COL23A1: variants seen among roughly 807,000 people sequenced by gnomAD.
The protein encoded by COL23A1 is collagen alpha-1(XXIII) chain.
COL23A1 carries 97 observed loss-of-function variants against 99.3 expected under a neutral mutation model. The observed-to-expected ratio is 0.98, with a 90% CI of 0.83 to 1.16. The LOEUF (loss-of-function observed/expected upper bound fraction) is 1.16. COL23A1 is among the 50% of genes most tolerant of loss of function. COL23A1 has a pLI of 0.00. For synonymous variants in COL23A1, 320 were observed against 308.2 expected, an observed-to-expected ratio of 1.04 and a Z score of -0.40; for missense variants, 762 against 757.4, an observed-to-expected ratio of 1.01 and a Z score of -0.07.
intron 1 of COL23A1, 111 bp from the exon 2 acceptor site, chr5:178,560,859 T>G: frequency 1.0e-6 from 1 of 987,980 alleles, no homozygotes; most frequent in Non-Finnish European, 1.5e-6. Flanking sequence ...CCATCTACAG[T>G]GCTGGGGCTG....
chr5:178,577,045 G>C (rs768535280), intron 1 of COL23A1, among the ~76,000 whole-genome samples: 22 of 152,084 alleles, frequency 1.4e-4, no homozygotes, highest in Admixed American at 5.9e-4. Flanking sequence ...GCTTCTGCCT[G>C]AGGACTCCCC....
intron 2 of COL23A1, among the ~76,000 whole-genome samples, chr5:178,476,220 C>T (rs906366059): frequency 2.0e-5 from 3 of 152,194 alleles, no homozygotes; most frequent in Non-Finnish European, 4.4e-5. Flanking sequence ...ATGGCGCATA[C>T]AGCATGCCTG....
intron 2 of COL23A1, among the ~76,000 whole-genome samples, chr5:178,461,259 C>T (rs2127901039): frequency 6.6e-6 from 1 of 152,362 alleles, no homozygotes; most frequent in South Asian, 2.1e-4. Flanking sequence ...CGAGTCCAGC[C>T]TGGCCATGTC....
chr5:178,299,822 C>T lies in COL23A1; in HGVS notation c.406+7053G>A, dbSNP rs180804382. 2.0e-3 allele frequency among the ~76,000 whole-genome samples: 287 copies of T among 145,130 alleles called. 2 individuals carry two copies. Among genetic ancestry groups the T allele is most frequent in the African/African-American group, 6.5e-3 (254 of 39,182 alleles). On this transcript the variant is annotated intron_variant, in intron 3 of 28. Coordinates refer to ENST00000390654, the MANE Select transcript of COL23A1 (RefSeq NM_173465.4). ...AGGCTGGAGTGCAGTGGCACGATCT[C>T]GGCTCACTGCAACCTCTGCCTCCTG...
At chr5:178,293,378 CAT>C (rs1757567714) in intron 3 of COL23A1, among the ~76,000 whole-genome samples, 1 of 152,060 alleles carries the variant, frequency 6.6e-6, no homozygotes, top group Non-Finnish European at 1.5e-5. Flanking sequence ...AGGCATGTGC[CAT>C]GGAGGTGGGA....
chr5:178,488,420 T>G (rs1757746443), intron 2 of COL23A1, among the ~76,000 whole-genome samples: 1 of 152,066 alleles, frequency 6.6e-6, no homozygotes. Context: ...GCGTGTGACC[T>G]CCTCTCCCTT....
rs1758679166 is a variant in COL23A1 at position 178,503,338 on chromosome 5, ACT to A, written c.361+57342_361+57343del. 2.6e-5 allele frequency among the ~76,000 whole-genome samples: 4 copies of A among 152,146 alleles called. No individual in the cohort carries two copies. The South Asian group carries it at 6.2e-4, about 24-fold the overall frequency. Reference sequence around the variant, plus strand: ...GCACTCCAGCCTGGGCAACGAACAGACTCTGTCTCCAAAAAAAAACAAAAGTC... The same window carrying A: ...GCACTCCAGCCTGGGCAACGAACAGACTGTCTCCAAAAAAAAACAAAAGTC... On this transcript the variant is annotated intron_variant, in intron 2 of 28. Coordinates refer to ENST00000390654, the MANE Select transcript of COL23A1 (RefSeq NM_173465.4).
chr5:178,520,198 T>C (rs1216678492), intron 2 of COL23A1, among the ~76,000 whole-genome samples: 4 of 152,106 alleles, frequency 2.6e-5, no homozygotes, highest in African/African-American at 9.7e-5. Context: ...GATGGATGGA[T>C]GGCTGGTAAG....
At chr5:178,559,529 C>T (rs1762449776) in intron 2 of COL23A1, among the ~76,000 whole-genome samples, 1 of 143,120 alleles carries the variant, frequency 7.0e-6, no homozygotes. Flanking sequence ...GACACATCAC[C>T]CAAAAGAGAC....
At chr5:178,447,197 G>A (rs550247374) in intron 2 of COL23A1, among the ~76,000 whole-genome samples, 17 of 151,818 alleles carry the variant, frequency 1.1e-4, no homozygotes, top group Non-Finnish European at 1.8e-4. Context: ...AGGTTCAAGC[G>A]ACTCTCCTGC....
chr5:178,390,114 G>A (rs1486971315), intron 2 of COL23A1, among the ~76,000 whole-genome samples: 1 of 152,222 alleles, frequency 6.6e-6, no homozygotes, highest in Non-Finnish European at 1.5e-5. Context: ...CAGAGGCCAC[G>A]AAGGCTGGCC....
At chr5:178,482,802 T>A (rs1757410938) in intron 2 of COL23A1, among the ~76,000 whole-genome samples, 1 of 152,094 alleles carries the variant, frequency 6.6e-6, no homozygotes, top group South Asian at 2.1e-4. Flanking sequence ...TTCAGGAGGC[T>A]GAGGCAGGAG....
intron 2 of COL23A1, among the ~76,000 whole-genome samples, chr5:178,453,773 G>A (rs1033934236): frequency 1.3e-5 from 2 of 152,130 alleles, no homozygotes; most frequent in African/African-American, 2.4e-5. Context: ...CACTTTTTCA[G>A]TAGCAGTAGC....
chr5:178,363,359 T>G (rs1050311103), intron 2 of COL23A1, among the ~76,000 whole-genome samples: 1 of 152,180 alleles, frequency 6.6e-6, no homozygotes, highest in African/African-American at 2.4e-5. Flanking sequence ...AGCCTAAGTG[T>G]AGAACCTACA....
At chr5:178,519,369 A>G (rs999611431) in intron 2 of COL23A1, among the ~76,000 whole-genome samples, 29 of 152,288 alleles carry the variant, frequency 1.9e-4, no homozygotes, top group African/African-American at 4.1e-4. Context: ...GTGCAGACTC[A>G]CAAGTCTCCC....
At chr5:178,499,003 T>C (rs1452810443) in intron 2 of COL23A1, among the ~76,000 whole-genome samples, 1 of 152,008 alleles carries the variant, frequency 6.6e-6, no homozygotes, top group East Asian at 1.9e-4. Context: ...GGCAGGAGAA[T>C]TGTTTGAACC....
chr5:178,424,324 T>C (rs1765789199), intron 2 of COL23A1, among the ~76,000 whole-genome samples: 1 of 152,238 alleles, frequency 6.6e-6, no homozygotes, highest in African/African-American at 2.4e-5. Context: ...GGGCATGGAA[T>C]GTCGTGTGAA....
intron 2 of COL23A1, among the ~76,000 whole-genome samples, chr5:178,464,050 C>T (rs1321406751): frequency 6.6e-6 from 1 of 152,188 alleles, no homozygotes; most frequent in Non-Finnish European, 1.5e-5. Flanking sequence ...CCTTTTACTG[C>T]CGTAACATAC....
rs1244350361 is a variant in COL23A1 at position 178,246,561 on chromosome 5, C to T, written c.1297-108G>A. On this transcript the variant is annotated intron_variant, in intron 22 of 28. Coordinates refer to ENST00000390654, the MANE Select transcript of COL23A1 (RefSeq NM_173465.4). ...CTGGGATGTGGACAGAGGAACAGAT[C>T]GAGGCTCCCCCAGGCCTGGCCCCAG... is the stretch of plus-strand genomic sequence containing the variant. The T allele has an allele frequency of 8.7e-6, 10 of 1,148,182 alleles. No individual in the cohort carries two copies. In the African/African-American group the frequency reaches 1.1e-4, roughly 12 times the overall value. The allele number at this position is 1,148,182 out of a possible 1,614,324, so 71.1% of individuals were successfully genotyped here.
Sources: allele counts gnomAD v4.1 joint callset (sites outside exome capture counted in the v4.1 genomes callset), GRCh38; gene constraint gnomAD v4.1.1; transcripts MANE v1.5; gene names NCBI Gene and HGNC (gene_info 2026-07-23, HGNC 2026-07-21).